Variants in YME1L1 observed in about 807,000 individuals in gnomAD.
YME1L1 encodes the protein YME1 like 1 ATPase.
Under a neutral mutation model 90.4 loss-of-function variants are expected in YME1L1, and 39 were observed. That is an observed-to-expected ratio of 0.43 (90% CI 0.33 to 0.56). The LOEUF (loss-of-function observed/expected upper bound fraction) is 0.56. Among genes scored for constraint, YME1L1 ranks in the 20% least tolerant of loss-of-function variants. The pLI is 0.03. For missense variants in YME1L1, 617 were observed against 868.4 expected (o/e 0.71, Z 3.64); for synonymous variants, 284 against 287.3 (o/e 0.99, Z 0.12).
At chr10:27,124,355 G>A (rs1237117794) in intron 9 of YME1L1, among the ~76,000 whole-genome samples, 1 of 152,148 alleles carries the variant, frequency 6.6e-6, no homozygotes, top group Admixed American at 6.5e-5. Context: ...GGATATGGAT[G>A]TTAATTGTAC....
chr10:27,148,775 T>C, intron 2 of YME1L1, 131 bp downstream of exon 2: 1 of 1,148,032 alleles, frequency 8.7e-7, no homozygotes, highest in Non-Finnish European at 1.3e-6. Context: ...AGTAGTTAAG[T>C]TTCTCAGGAG....
At chr10:27,148,741 C>T (rs1349451714) in intron 2 of YME1L1, among the ~76,000 whole-genome samples, 165 bp downstream of exon 2, 1 of 147,284 alleles carries the variant, frequency 6.8e-6, no homozygotes, top group Non-Finnish European at 1.5e-5. Flanking sequence ...ATCGGTAAGG[C>T]TTCCTGGTCA....
intron 3 of YME1L1, among the ~76,000 whole-genome samples, chr10:27,144,337 CACTT>C (rs1294097336): frequency 1.6e-4 from 25 of 152,298 alleles, no homozygotes; most frequent in African/African-American, 6.0e-4. Flanking sequence ...TTTTTCCTCA[CACTT>C]ACGGTTTTTT....
At chr10:27,133,521 G>A (rs1295159373) in intron 7 of YME1L1, among the ~76,000 whole-genome samples, 1 of 152,108 alleles carries the variant, frequency 6.6e-6, no homozygotes, top group Admixed American at 6.5e-5. Flanking sequence ...AGTAATTCTA[G>A]AATGAACACC....
intron 17 of YME1L1, among the ~76,000 whole-genome samples, chr10:27,115,267 A>C (rs1008413508): frequency 1.3e-5 from 2 of 151,622 alleles, no homozygotes; most frequent in Non-Finnish European, 2.9e-5. Context: ...ACAAAGAAAC[A>C]AAAAAACACT....
At chr10:27,115,114 A>G (rs1039225122) in intron 17 of YME1L1, among the ~76,000 whole-genome samples, 2 of 151,994 alleles carry the variant, frequency 1.3e-5, no homozygotes, top group Admixed American at 1.3e-4. Flanking sequence ...TTAGCCAGGC[A>G]TGGTGGCAGG....
intron 18 of YME1L1, among the ~76,000 whole-genome samples, chr10:27,113,239 A>T (rs113404725): frequency 5.6e-5 from 8 of 142,316 alleles, no homozygotes; most frequent in East Asian, 4.0e-4. Context: ...AAAAAAAAAA[A>T]AAAAAAAAAA....
chr10:27,138,959 C>T (rs577116351), intron 4 of YME1L1, among the ~76,000 whole-genome samples: 3 of 152,176 alleles, frequency 2.0e-5, no homozygotes, highest in African/African-American at 7.2e-5. Context: ...TATATCATGT[C>T]TTTTTATCAT....
Position 27,120,448 on chromosome 10 carries a change from T to C in YME1L1, c.1398A>G (p.Ile466Met), listed in dbSNP as rs1264837137. 1 of 1,612,374 alleles carries C rather than the reference T, an allele frequency of 6.2e-7. No individual in the cohort carries two copies. The highest frequency in any genetic ancestry group is 8.5e-7 in the Non-Finnish European group (1 of 1,178,690). The change falls in exon 13 of 19, where the codon ATA becomes ATG. Residue 466 changes from isoleucine to methionine, a missense_variant. Coordinates refer to ENST00000376016, the MANE Select transcript of YME1L1 (RefSeq NM_014263.4). ...TTTGATACTTACATTGATCAAACTT[T>C]ATTTTATTGAGATACCATTTCAAAA... The part of the protein sequence containing the change: ...TEILKWYLNK[I>M]KFDQSVDPEI...
intron 12 of YME1L1, among the ~76,000 whole-genome samples, 163 bp from the exon 13 acceptor site, chr10:27,120,710 G>A (rs2056858697): frequency 6.6e-6 from 1 of 152,174 alleles, no homozygotes; most frequent in Admixed American, 6.5e-5. Flanking sequence ...CATGGCTCAA[G>A]TAACAGTGTC....
intron 2 of YME1L1, chr10:27,147,348 T>G: frequency 7.0e-7 from 1 of 1,427,544 alleles, no homozygotes; most frequent in Non-Finnish European, 9.7e-7. Context: ...TTAAAAATGA[T>G]AAAACAAACA....
chr10:27,141,124 C>T (rs2057082367), intron 4 of YME1L1, among the ~76,000 whole-genome samples: 1 of 151,998 alleles, frequency 6.6e-6, no homozygotes, highest in Non-Finnish European at 1.5e-5. Flanking sequence ...GGCCTGGCAC[C>T]GTGGCTCATG....
intron 10 of YME1L1, 95 bp from the exon 11 acceptor site, chr10:27,123,068 GC>G (rs1289007803): frequency 7.0e-7 from 1 of 1,433,620 alleles, no homozygotes. Flanking sequence ...ACTGTCAAAA[GC>G]CAACAAAAAA....
rs74126911 is a variant in YME1L1 at position 27,147,433 on chromosome 10, G to A, written c.168+1473C>T. 5.4e-4 allele frequency: 866 copies of A among 1,613,802 alleles called. 6 individuals carry two copies. The African/African-American group carries it at 9.0e-3, about 17-fold the overall frequency. ...AGATGGCAAGAACCTGAACTAAGCCGTGACTAAGAACGATGGACAAAACAA... is the reference window on the plus strand; with the variant it reads ...AGATGGCAAGAACCTGAACTAAGCCATGACTAAGAACGATGGACAAAACAA... On this transcript the variant is annotated intron_variant, in intron 2 of 18. Transcript: ENST00000376016.
In YME1L1 at chr10:27,136,303, T is replaced by C; in HGVS notation, c.513A>G (p.Thr171=). 1 of 1,613,790 alleles carries C rather than the reference T, an allele frequency of 6.2e-7. No homozygotes were observed. The highest frequency in any genetic ancestry group is 8.5e-7 in the Non-Finnish European group (1 of 1,179,900). The change falls in exon 5 of 19, where the codon ACA becomes ACG. Residue 171 remains threonine (T), a synonymous_variant. Coordinates refer to ENST00000376016, the MANE Select transcript of YME1L1 (RefSeq NM_014263.4). ...LQSTSERLAE[T]QNIAPSFVKG... is the part of the protein sequence containing the mutation. ...TCACGAATGATGGCGCTATATTCTG[T>C]GTTTCAGCTAATCTCTCGGAGGTAG...
intron 8 of YME1L1, among the ~76,000 whole-genome samples, chr10:27,130,768 G>A (rs866851893): frequency 5.9e-5 from 9 of 152,182 alleles, no homozygotes; most frequent in Middle Eastern, 3.2e-3. Flanking sequence ...CAGGAGAATC[G>A]CTTGAATCTG....
At chr10:27,140,931 T>A (rs1398286500) in intron 4 of YME1L1, among the ~76,000 whole-genome samples, 7 of 152,234 alleles carry the variant, frequency 4.6e-5, no homozygotes, top group Non-Finnish European at 7.3e-5. Flanking sequence ...TTTTTATACA[T>A]CTTCCAACAA....
chr10:27,121,383 TAC>T lies in YME1L1; in HGVS notation c.1298+1_1298+2del. 4.4e-6 allele frequency: 7 copies of T among 1,599,936 alleles called. No homozygotes were observed. Among genetic ancestry groups the T allele is most frequent in the Non-Finnish European group, 6.0e-6 (7 of 1,167,358 alleles). On this transcript the variant is annotated splice_donor_variant, in intron 12 of 18. Transcript: ENST00000376016. LOFTEE classifies it high-confidence loss of function. ...TTCACAAAAATCTTCTTTTAATACT[TAC>T]TTATCTAATGCCTCTGGGAAGTTTG...
At chr10:27,149,733 AAAAG>A (rs1564470431) in intron 1 of YME1L1, among the ~76,000 whole-genome samples, 1 of 145,116 alleles carries the variant, frequency 6.9e-6, no homozygotes. Flanking sequence ...AAAAAAAAAA[AAAAG>A]AAACTACCAC....
Sources: allele counts gnomAD v4.1 joint callset (sites outside exome capture counted in the v4.1 genomes callset), GRCh38; gene constraint gnomAD v4.1.1; transcripts MANE v1.5; gene names NCBI Gene and HGNC (gene_info 2026-07-23, HGNC 2026-07-21).